Variants in ARHGEF3 observed in about 807,000 individuals in gnomAD.
The protein encoded by ARHGEF3 is 59.8 kDA protein.
A neutral mutation model predicts 63.2 loss-of-function variants in ARHGEF3; 28 were observed. The ratio of observed to expected loss-of-function variants is 0.44; its 90% CI spans 0.33 to 0.61. ARHGEF3 has a LOEUF of 0.61. Among genes scored for constraint, ARHGEF3 ranks in the 20% least tolerant of loss-of-function variants. The pLI, the probability that ARHGEF3 is intolerant of heterozygous loss-of-function variation, is 0.03. For missense variants in ARHGEF3, 533 were observed against 659.3 expected, an observed-to-expected ratio of 0.81 and a Z score of 2.10; for synonymous variants, 266 against 254.2, an observed-to-expected ratio of 1.05 and a Z score of -0.44.
intron 3 of ARHGEF3, among the ~76,000 whole-genome samples, chr3:56,917,320 A>T (rs1204282363): frequency 6.6e-6 from 1 of 152,178 alleles, no homozygotes; most frequent in Non-Finnish European, 1.5e-5. Context: ...TATTTTAGTT[A>T]TCTAATGGGG....
intron 4 of ARHGEF3, among the ~76,000 whole-genome samples, chr3:56,862,462 C>T (rs777968255): frequency 4.1e-4 from 63 of 152,312 alleles, no homozygotes; most frequent in Non-Finnish European, 7.1e-4. Context: ...AGAAAGCAGT[C>T]CATTTGCAGT....
At chr3:56,994,968 T>A (rs1701914290) in intron 2 of ARHGEF3, among the ~76,000 whole-genome samples, 1 of 152,074 alleles carries the variant, frequency 6.6e-6, no homozygotes, top group African/African-American at 2.4e-5. Context: ...TCACTCTCAT[T>A]CTCTCCTGAC....
At chr3:57,009,551 G>A (rs1702599413) in intron 2 of ARHGEF3, among the ~76,000 whole-genome samples, 1 of 151,390 alleles carries the variant, frequency 6.6e-6, no homozygotes, top group Non-Finnish European at 1.5e-5. Context: ...TCAGCCTGCT[G>A]GACAGGCCAG....
chr3:56,870,988 A>G (rs1168668164), intron 4 of ARHGEF3, among the ~76,000 whole-genome samples: 2 of 152,158 alleles, frequency 1.3e-5, no homozygotes, highest in Non-Finnish European at 2.9e-5. Flanking sequence ...ACATGTCTTT[A>G]AAAAGCCATC....
rs564882157 is a variant in ARHGEF3 at position 56,735,284 on chromosome 3, AAAACAAAC to A, written c.1041+1893_1041+1900del. On this transcript the variant is annotated intron_variant, in intron 8 of 9. Coordinates refer to ENST00000296315, the MANE Select transcript of ARHGEF3 (RefSeq NM_019555.3). ...GGGCAACAGAGTGAGACTGTCTCAAAAAACAAACAAACAAACAAACAAACAAAAAACTC... is the reference window on the plus strand; with the variant it reads ...GGGCAACAGAGTGAGACTGTCTCAAAAAACAAACAAACAAACAAAAAACTC... Among the ~76,000 whole-genome samples, 130 of 152,280 alleles carry A rather than the reference AAAACAAAC, an allele frequency of 8.5e-4. 1 individual carries two copies. The East Asian group carries it at 0.022, about 26-fold the overall frequency.
At chr3:57,051,592 A>G (rs896178696) in intron 1 of ARHGEF3, among the ~76,000 whole-genome samples, 4 of 152,244 alleles carry the variant, frequency 2.6e-5, no homozygotes, top group Admixed American at 6.5e-5. Context: ...CTGAGCCCTC[A>G]TATGTGCAGG....
At chr3:56,860,817 T>C (rs2040047756) in intron 4 of ARHGEF3, among the ~76,000 whole-genome samples, 3 of 152,284 alleles carry the variant, frequency 2.0e-5, no homozygotes, top group African/African-American at 7.2e-5. Flanking sequence ...TAATGGTTGG[T>C]GGGGGATGAC....
chr3:57,076,900 T>C (rs1213819162), intron 1 of ARHGEF3: 2 of 152,096 alleles, frequency 1.3e-5, no homozygotes, highest in African/African-American at 4.8e-5. Context: ...AACCTATAAA[T>C]CAATGTATGA....
intron 4 of ARHGEF3, among the ~76,000 whole-genome samples, chr3:56,878,446 G>GA (rs2040662807): frequency 6.6e-6 from 1 of 152,214 alleles, no homozygotes; most frequent in East Asian, 1.9e-4. Flanking sequence ...GAGGCGGTGG[G>GA]AAAAAATAGT....
At chr3:56,966,282 C>A (rs563475874) in intron 2 of ARHGEF3, among the ~76,000 whole-genome samples, 1 of 152,070 alleles carries the variant, frequency 6.6e-6, no homozygotes, top group African/African-American at 2.4e-5. Flanking sequence ...GAATGCTATA[C>A]AAAGATACAG....
At chr3:56,896,662 G>A (rs1578787157) in intron 3 of ARHGEF3, among the ~76,000 whole-genome samples, 1 of 152,176 alleles carries the variant, frequency 6.6e-6, no homozygotes, top group African/African-American at 2.4e-5. Flanking sequence ...TTTTGAAGAG[G>A]ACAGGCCAGT....
chr3:56,823,062 CA>C (rs2038579510), intron 4 of ARHGEF3, among the ~76,000 whole-genome samples: 1 of 152,082 alleles, frequency 6.6e-6, no homozygotes, highest in Non-Finnish European at 1.5e-5. Context: ...GGAACACTAC[CA>C]AAACTAAAAG....
rs1272336914 is a variant in ARHGEF3, at chr3:56,801,800, G to A, written c.-2C>T. ...GAAGGGGTAATCCTTGGCCACCATG[G>A]CGGCTGCCGGGCCTGCCCTTTGGGA... On this transcript the variant is annotated 5_prime_UTR_variant, in exon 1 of 10. Coordinates refer to ENST00000296315, the MANE Select transcript of ARHGEF3 (RefSeq NM_019555.3). The A allele has an allele frequency of 6.4e-7, 1 of 1,558,518 alleles. No individual in the cohort carries two copies. Among genetic ancestry groups the A allele is most frequent in the East Asian group, 2.4e-5 (1 of 41,924 alleles).
At position 56,813,244 on chromosome 3, in the gene ARHGEF3, A is replaced by G. The variant is rs540031922; in HGVS notation, c.193-39428T>C. Among the ~76,000 whole-genome samples, 3 of 152,338 alleles carry G rather than the reference A, an allele frequency of 2.0e-5. No homozygotes were observed. The South Asian group carries it at 6.2e-4, about 32-fold the overall frequency. On this transcript the variant is annotated intron_variant, in intron 4 of 12. Coordinates refer to the ARHGEF3 transcript ENST00000338458. ...AACAGATAGAACCACTTTCTTTAAG[A>G]TGAAGTCATCTTCCAGGAGAAACAA... is the stretch of plus-strand genomic sequence containing the variant.
intron 1 of ARHGEF3, chr3:57,060,846 A>G (rs1214888868): frequency 7.0e-6 from 1 of 142,592 alleles, no homozygotes; most frequent in East Asian, 2.1e-4. Context: ...ACATGGGCAC[A>G]CACCACCACC....
At chr3:56,855,052 C>CA (rs2039820803) in intron 4 of ARHGEF3, among the ~76,000 whole-genome samples, 1 of 151,858 alleles carries the variant, frequency 6.6e-6, no homozygotes, top group African/African-American at 2.4e-5. Flanking sequence ...ACCTGGTGGC[C>CA]AAGGCAGTTG....
At chr3:56,770,367 G>A (rs1373056170) in intron 2 of ARHGEF3, among the ~76,000 whole-genome samples, 1 of 151,798 alleles carries the variant, frequency 6.6e-6, no homozygotes. Context: ...CCACGATCAC[G>A]CCACTGCACT....
intron 2 of ARHGEF3, among the ~76,000 whole-genome samples, chr3:56,980,387 G>A (rs765622755): frequency 2.0e-5 from 3 of 152,108 alleles, no homozygotes; most frequent in African/African-American, 4.8e-5. Flanking sequence ...TACTGAAAGT[G>A]AAAAAAAGAA....
chr3:56,848,651 C>T lies in ARHGEF3; in HGVS notation c.192+33641G>A, dbSNP rs530949167. 1.8e-4 allele frequency among the ~76,000 whole-genome samples: 27 copies of T among 152,248 alleles called. No individual in the cohort carries two copies. The South Asian group carries it at 5.2e-3, about 29-fold the overall frequency. On this transcript the variant is annotated intron_variant, in intron 4 of 12. Transcript: ENST00000338458. ...CGTTGAACAATGGCCACGCAACTCT[C>T]TCCCACTAAGACTTTATTTGTTTAT...
Sources: allele counts gnomAD v4.1 joint callset (sites outside exome capture counted in the v4.1 genomes callset), GRCh38; gene constraint gnomAD v4.1.1; transcripts MANE v1.5; gene names NCBI Gene and HGNC (gene_info 2026-07-23, HGNC 2026-07-21).